Variants in SAMD3 observed in about 807,000 individuals in gnomAD.
SAMD3 encodes sterile alpha motif domain-containing protein 3.
SAMD3 carries 63 observed loss-of-function variants against 58.5 expected under a neutral mutation model. The ratio of observed to expected loss-of-function variants is 1.08; its 90% CI spans 0.88 to 1.33. SAMD3 has a LOEUF of 1.33. Ranked by LOEUF, SAMD3 falls within the 40% of genes most tolerant of loss-of-function variation. The pLI, the probability that SAMD3 is intolerant of heterozygous loss-of-function variation, is 0.00. For missense variants in SAMD3, 604 were observed against 608.4 expected, an observed-to-expected ratio of 0.99 and a Z score of 0.08; for synonymous variants, 220 against 210.3, an observed-to-expected ratio of 1.05 and a Z score of -0.40.
chr6:130,326,814 C>G (rs895977497), intron 1 of SAMD3, among the ~76,000 whole-genome samples: 1 of 152,164 alleles, frequency 6.6e-6, no homozygotes, highest in African/African-American at 2.4e-5. Flanking sequence ...ATAATGTGAA[C>G]GTCTACTCCA....
chr6:130,268,226 C>T (rs1404419400), intron 2 of SAMD3, among the ~76,000 whole-genome samples: 1 of 151,596 alleles, frequency 6.6e-6, no homozygotes, highest in African/African-American at 2.4e-5. Flanking sequence ...TTTTAAAAAT[C>T]GAAAAAAGTT....
intron 1 of SAMD3, among the ~76,000 whole-genome samples, chr6:130,329,243 A>T (rs1008309457): frequency 1.4e-5 from 2 of 144,508 alleles, no homozygotes; most frequent in Non-Finnish European, 3.0e-5. Flanking sequence ...AATATAGATT[A>T]ACAGAATCAA....
At chr6:130,185,341 A>T (rs1792835284) in intron 5 of SAMD3, among the ~76,000 whole-genome samples, 1 of 152,032 alleles carries the variant, frequency 6.6e-6, no homozygotes, top group South Asian at 2.1e-4. Flanking sequence ...TATTATTATT[A>T]TTTTTTAAGA....
intron 2 of SAMD3, among the ~76,000 whole-genome samples, chr6:130,283,576 A>C (rs1361263914): frequency 6.6e-6 from 1 of 152,224 alleles, no homozygotes; most frequent in Non-Finnish European, 1.5e-5. Flanking sequence ...AAAAAGGCTA[A>C]AGAGAAACGG....
At chr6:130,250,926 A>C (rs1277602147) in intron 2 of SAMD3, among the ~76,000 whole-genome samples, 2 of 152,174 alleles carry the variant, frequency 1.3e-5, no homozygotes, top group Non-Finnish European at 2.9e-5. Context: ...TTATGTAGAC[A>C]TATGTTTTCA....
chr6:130,284,176 C>T (rs1270020684), intron 2 of SAMD3, among the ~76,000 whole-genome samples: 1 of 152,108 alleles, frequency 6.6e-6, no homozygotes, highest in African/African-American at 2.4e-5. Flanking sequence ...TTACACAGAA[C>T]AGTAATGATA....
In SAMD3 at chr6:130,176,008, A is replaced by G. The variant is rs1385217966; in HGVS notation, c.655T>C (p.Phe219Leu). The G allele has an allele frequency of 6.2e-7, 1 of 1,612,014 alleles. No homozygotes were observed. Among genetic ancestry groups the G allele is most frequent in the Non-Finnish European group, 8.5e-7 (1 of 1,179,026 alleles). The change falls in exon 8 of 12, where the codon TTT (phenylalanine) becomes CTT (leucine). Residue 219 changes from phenylalanine (F) to leucine (L), a missense_variant and splice_region_variant. By Grantham distance (22) the Phe-to-Leu change is conservative. Coordinates refer to ENST00000439090, the MANE Select transcript of SAMD3 (RefSeq NM_001017373.4). ...TCTTTGAGGGCTCGTTTCCATAAAA[A>G]CTGTAAAATAAAACAGACCAGTTAA... ...PFLDEDGCGFFLWKRALKDRF... is the reference protein window; with the variant it reads ...PFLDEDGCGFLLWKRALKDRF...
intron 2 of SAMD3, among the ~76,000 whole-genome samples, chr6:130,306,720 A>G (rs966863708): frequency 6.6e-6 from 1 of 152,244 alleles, no homozygotes; most frequent in African/African-American, 2.4e-5. Flanking sequence ...AGTATGGAGT[A>G]GAGAGAAAAC....
At chr6:130,276,455 G>T (rs569036020) in intron 2 of SAMD3, among the ~76,000 whole-genome samples, 1 of 152,086 alleles carries the variant, frequency 6.6e-6, no homozygotes, top group Non-Finnish European at 1.5e-5. Context: ...GAATGTATAG[G>T]TAAGTAAAGA....
At chr6:130,190,091 G>C (rs557687221) in intron 5 of SAMD3, among the ~76,000 whole-genome samples, 1 of 152,260 alleles carries the variant, frequency 6.6e-6, no homozygotes, top group African/African-American at 2.4e-5. Context: ...TGTATAAACT[G>C]TTCAAATCTC....
chr6:130,179,413 A>T, intron 7 of SAMD3, among the ~76,000 whole-genome samples: 1 of 151,982 alleles, frequency 6.6e-6, no homozygotes, highest in Admixed American at 6.6e-5. Context: ...TCCGTCAACC[A>T]CTCTGAAATA....
At chr6:130,228,916 T>A (rs1015757625) in intron 2 of SAMD3, among the ~76,000 whole-genome samples, 7 of 152,174 alleles carry the variant, frequency 4.6e-5, no homozygotes, top group Non-Finnish European at 8.8e-5. Flanking sequence ...GTGGAAACAA[T>A]ACATTATTAC....
intron 1 of SAMD3, among the ~76,000 whole-genome samples, chr6:130,339,314 T>A (rs995092012): frequency 6.6e-6 from 1 of 152,178 alleles, no homozygotes; most frequent in African/African-American, 2.4e-5. Context: ...CCCAAAGTGC[T>A]GGGATTACAG....
intron 5 of SAMD3, among the ~76,000 whole-genome samples, chr6:130,187,583 T>C (rs1444364828): frequency 6.6e-6 from 1 of 152,170 alleles, no homozygotes; most frequent in Non-Finnish European, 1.5e-5. Context: ...TCATCAGAAA[T>C]TAAAAATACA....
chr6:130,346,859 A>G (rs1777471021), intron 1 of SAMD3, among the ~76,000 whole-genome samples: 2 of 152,136 alleles, frequency 1.3e-5, no homozygotes, highest in South Asian at 4.1e-4. Flanking sequence ...CCTCACACGG[A>G]GGGGTACTCC....
At chr6:130,182,032 T>C (rs1792383129) in intron 7 of SAMD3, among the ~76,000 whole-genome samples, 1 of 141,928 alleles carries the variant, frequency 7.0e-6, no homozygotes, top group Admixed American at 7.8e-5. Context: ...GCCACTGCAC[T>C]CCAGCCTGGG....
At chr6:130,294,029 C>A (rs1289679697) in intron 2 of SAMD3, among the ~76,000 whole-genome samples, 2 of 152,148 alleles carry the variant, frequency 1.3e-5, no homozygotes, top group South Asian at 4.1e-4. Flanking sequence ...TAAGTGATTG[C>A]CTCTCCTCTG....
intron 5 of SAMD3, among the ~76,000 whole-genome samples, chr6:130,187,939 GC>G: frequency 6.6e-6 from 1 of 152,184 alleles, no homozygotes; most frequent in South Asian, 2.1e-4. Flanking sequence ...CCTACAGTTG[GC>G]CCCCGGCTAA....
chr6:130,210,859 AC>A (rs1795483344), intron 4 of SAMD3, among the ~76,000 whole-genome samples: 1 of 151,922 alleles, frequency 6.6e-6, no homozygotes, highest in African/African-American at 2.4e-5. Flanking sequence ...GGTAGCTCAC[AC>A]CTGTAATCCC....
Sources: gnomAD v4.1 joint callset for allele counts (sites outside exome capture counted in the v4.1 genomes callset) on GRCh38, gnomAD v4.1.1 for gene constraint, MANE v1.5 for transcripts, NCBI Gene and HGNC (gene_info 2026-07-23, HGNC 2026-07-21) for gene names.